GRIN2B: variants seen among roughly 807,000 people sequenced by gnomAD.
GRIN2B encodes glutamate ionotropic receptor NMDA type subunit 2B.
A neutral mutation model predicts 114.5 loss-of-function variants in GRIN2B; 5 were observed. That is an observed-to-expected ratio of 0.04 (90% CI 0.02 to 0.09). The LOEUF is 0.09. GRIN2B is among the 10% of genes least tolerant of loss of function. The pLI is 1.00. For missense variants in GRIN2B, 1,108 were observed against 1,943.5 expected (o/e 0.57, Z 8.08); for synonymous variants, 787 against 745.1 (o/e 1.06, Z -0.92).
chr12:13,931,296 G>A (rs990538905), intron 2 of GRIN2B, among the ~76,000 whole-genome samples: 2 of 152,170 alleles, frequency 1.3e-5, no homozygotes, highest in African/African-American at 4.8e-5. Context: ...AAATGCAATG[G>A]TCAATTTGAT....
At chr12:13,665,778 C>G (rs759637684) in intron 5 of GRIN2B, among the ~76,000 whole-genome samples, 1 of 152,144 alleles carries the variant, frequency 6.6e-6, no homozygotes, top group Non-Finnish European at 1.5e-5. Context: ...CCAAATCTTC[C>G]TAATGTCCCT....
At chr12:13,826,245 C>A (rs903426135) in intron 3 of GRIN2B, among the ~76,000 whole-genome samples, 2 of 151,944 alleles carry the variant, frequency 1.3e-5, no homozygotes, top group Non-Finnish European at 2.9e-5. Flanking sequence ...CCGAGGTGGG[C>A]GGATCACTTG....
chr12:13,835,771 T>TAAAAAAA (rs1165005583), intron 3 of GRIN2B, among the ~76,000 whole-genome samples: 5 of 91,482 alleles, frequency 5.5e-5, no homozygotes, highest in South Asian at 3.8e-4. Context: ...CATAGCACAT[T>TAAAAAAA]AAAAAAAAAA....
chr12:13,808,662 G>T (rs577337794), intron 3 of GRIN2B, among the ~76,000 whole-genome samples: 1 of 151,030 alleles, frequency 6.6e-6, no homozygotes, highest in South Asian at 2.1e-4. Context: ...GTTAATGGGT[G>T]CAGCACACCA....
rs1658852472 is a variant in GRIN2B at position 13,680,585 on chromosome 12, G to A, written c.1011-4726C>T. 2.0e-5 allele frequency among the ~76,000 whole-genome samples: 3 copies of A among 151,886 alleles called. No homozygotes were observed. In the South Asian group the frequency reaches 6.2e-4, roughly 32 times the overall value. On this transcript the variant is annotated intron_variant, in intron 4 of 13. Coordinates refer to ENST00000609686, the MANE Select transcript of GRIN2B (RefSeq NM_000834.5). ...CTAATATTACACAGAATCTCACATT[G>A]CTAAAACTAGGAGAGAACTTAGAAA...
chr12:13,769,599 C>T (rs147062608), intron 3 of GRIN2B, among the ~76,000 whole-genome samples: 15 of 152,264 alleles, frequency 9.9e-5, no homozygotes, highest in African/African-American at 2.6e-4. Flanking sequence ...ATTTACTTGG[C>T]GATAAAGTCA....
chr12:13,851,184 C>T (rs1865559121), intron 3 of GRIN2B, among the ~76,000 whole-genome samples: 1 of 152,178 alleles, frequency 6.6e-6, no homozygotes, highest in Admixed American at 6.5e-5. Flanking sequence ...ACAACCTGCA[C>T]TCCCACTGAA....
rs181583147 is a variant in GRIN2B at position 13,608,875 on chromosome 12, G to A, written c.1781-43C>T. The A allele has an allele frequency of 2.0e-4, 285 of 1,456,200 alleles. 1 individual carries two copies. In the African/African-American group the frequency reaches 3.7e-3, roughly 19 times the overall value. The allele number at this position is 1,456,200 out of a possible 1,614,324, so 90.2% of individuals were successfully genotyped here. ...CAAGGACGAAAGTTAAGCCATTGTG[G>A]CTGGTTCTGTTGAAACCTACAAATA... On this transcript the variant is annotated intron_variant, in intron 9 of 13. Transcript: ENST00000609686.
At chr12:13,949,027 A>G (rs572897838) in intron 2 of GRIN2B, among the ~76,000 whole-genome samples, 1 of 152,284 alleles carries the variant, frequency 6.6e-6, no homozygotes, top group East Asian at 1.9e-4. Context: ...CTGTATCACA[A>G]GTCCTCAGCA....
chr12:13,761,014 C>T (rs527482347), intron 3 of GRIN2B, among the ~76,000 whole-genome samples: 1 of 152,234 alleles, frequency 6.6e-6, no homozygotes, highest in South Asian at 2.1e-4. Flanking sequence ...TCCAGCCTCA[C>T]CATTAATCAA....
Position 13,660,095 on chromosome 12 carries a change from G to C in GRIN2B, c.1125+15650C>G, listed in dbSNP as rs1190359875. Among the ~76,000 whole-genome samples, 5 of 152,144 alleles carry C rather than the reference G, an allele frequency of 3.3e-5. No individual in the cohort carries two copies. The East Asian group carries it at 7.7e-4, about 23-fold the overall frequency. ...AGGTGGCTGGCTTCCCTTAGAGCAA[G>C]GGATGCAAGAGAGAGGGCCCCAATA... is the stretch of plus-strand genomic sequence containing the variant. On this transcript the variant is annotated intron_variant, in intron 5 of 13. Coordinates refer to ENST00000609686, the MANE Select transcript of GRIN2B (RefSeq NM_000834.5).
intron 4 of GRIN2B, among the ~76,000 whole-genome samples, chr12:13,681,027 T>C (rs1950126564): frequency 6.6e-6 from 1 of 152,094 alleles, no homozygotes; most frequent in Non-Finnish European, 1.5e-5. Context: ...TCTCTGACTC[T>C]GGCCATGCCA....
rs182908653 is a variant in GRIN2B at position 13,679,139 on chromosome 12, C to T, written c.1011-3280G>A. Among the ~76,000 whole-genome samples, 48 of 152,112 alleles carry T rather than the reference C, an allele frequency of 3.2e-4. 1 individual carries two copies. The East Asian group carries it at 9.1e-3, about 29-fold the overall frequency. ...GAAATAAATTATCTGGTGTAAGCAT[C>T]CACCTTGTTATCAGACACTGTGCTG... On this transcript the variant is annotated intron_variant, in intron 4 of 13. Coordinates refer to ENST00000609686, the MANE Select transcript of GRIN2B (RefSeq NM_000834.5).
intron 5 of GRIN2B, among the ~76,000 whole-genome samples, chr12:13,629,003 T>C (rs1260002672): frequency 6.6e-6 from 1 of 152,122 alleles, no homozygotes. Context: ...TTAAAATACA[T>C]TATAATTTTA....
In GRIN2B at chr12:13,545,323, A is replaced by G. The variant is rs1335066963; in HGVS notation, c.*17460T>C. On this transcript the variant is annotated 3_prime_UTR_variant, in exon 14 of 14. Transcript: ENST00000609686. ...ATGACACTTTGCACTATCTGACATG[A>G]GATCTATTGATTTGCTTTTTTGTCC... is the stretch of plus-strand genomic sequence containing the variant. The G allele has an allele frequency of 1.3e-5, 2 of 152,190 alleles. No individual in the cohort carries two copies. Among genetic ancestry groups the G allele is most frequent in the African/African-American group, 4.8e-5 (2 of 41,430 alleles). The allele number at this position is 152,190 out of a possible 1,614,324, so 9.4% of individuals were successfully genotyped here.
intron 3 of GRIN2B, among the ~76,000 whole-genome samples, chr12:13,771,642 A>G (rs1863910522): frequency 6.6e-6 from 1 of 152,244 alleles, no homozygotes; most frequent in African/African-American, 2.4e-5. Flanking sequence ...AGAGGATTAA[A>G]TGAAACACTA....
intron 5 of GRIN2B, among the ~76,000 whole-genome samples, chr12:13,658,200 T>C (rs1409102257): frequency 1.4e-5 from 2 of 146,806 alleles, no homozygotes; most frequent in East Asian, 4.0e-4. Context: ...AGAGCAAAAC[T>C]CCATCTAAAA....
intron 3 of GRIN2B, among the ~76,000 whole-genome samples, chr12:13,802,303 C>T (rs1393593991): frequency 6.6e-6 from 1 of 151,522 alleles, no homozygotes; most frequent in Non-Finnish European, 1.5e-5. Context: ...AATTTAAGCA[C>T]AAATTTTTTT....
At chr12:13,717,149 T>C (rs891578321) in intron 4 of GRIN2B, among the ~76,000 whole-genome samples, 3 of 151,422 alleles carry the variant, frequency 2.0e-5, no homozygotes, top group African/African-American at 7.3e-5. Flanking sequence ...AGTTTATATC[T>C]CCTTTTTACA....
Sources: allele counts gnomAD v4.1 joint callset (sites outside exome capture counted in the v4.1 genomes callset), GRCh38; gene constraint gnomAD v4.1.1; transcripts MANE v1.5; gene names NCBI Gene and HGNC (gene_info 2026-07-23, HGNC 2026-07-21).